The following CDH23 variants were observed in gnomAD, a reference collection of about 807,000 sequenced individuals.
The protein encoded by CDH23 is cadherin related 23.
CDH23 carries 189 observed loss-of-function variants against 317.1 expected under a neutral mutation model. The ratio of observed to expected loss-of-function variants is 0.60; its 90% CI spans 0.53 to 0.67. The LOEUF is 0.67. Among genes scored for constraint, CDH23 ranks in the 30% least tolerant of loss-of-function variants. The probability of loss-of-function intolerance (pLI) is 0.00; values close to 1 mark genes in which losing one functional copy is unlikely to be tolerated. For synonymous variants in CDH23, 1,839 were observed against 1,876.8 expected, an observed-to-expected ratio of 0.98 and a Z score of 0.52; for missense variants, 4,401 against 4,592.4, an observed-to-expected ratio of 0.96 and a Z score of 1.20.
chr10:71,616,265 C>T (rs981425659), intron 10 of CDH23, among the ~76,000 whole-genome samples: 9 of 152,230 alleles, frequency 5.9e-5, no homozygotes, highest in Non-Finnish European at 8.8e-5. Context: ...TTGAGAGAAA[C>T]GGGTGGCCCA....
At chr10:71,552,006 C>T (rs985915066) in intron 6 of CDH23, among the ~76,000 whole-genome samples, 3 of 152,210 alleles carry the variant, frequency 2.0e-5, no homozygotes, top group South Asian at 2.1e-4. Context: ...GGGCTGTCCC[C>T]GCCCAAGTAT....
intron 1 of CDH23, among the ~76,000 whole-genome samples, chr10:71,435,863 C>A (rs1849593553): frequency 6.6e-6 from 1 of 152,240 alleles, no homozygotes; most frequent in Admixed American, 6.5e-5. Flanking sequence ...CTGAGGAATG[C>A]CAGCAGGCAA....
chr10:71,562,942 T>C (rs995602654), intron 6 of CDH23, among the ~76,000 whole-genome samples: 4 of 152,334 alleles, frequency 2.6e-5, no homozygotes, highest in African/African-American at 9.6e-5. Context: ...AGAAAATTGA[T>C]TTAATTTCTC....
intron 38 of CDH23, among the ~76,000 whole-genome samples, chr10:71,752,229 G>A (rs1003857103): frequency 6.6e-6 from 1 of 152,178 alleles, no homozygotes; most frequent in Non-Finnish European, 1.5e-5. Flanking sequence ...CATTAGGATC[G>A]AACATCCCCA....
chr10:71,403,313 T>TCC (rs1167098222), intron 1 of CDH23, among the ~76,000 whole-genome samples: 1 of 99,346 alleles, frequency 1.0e-5, no homozygotes, highest in African/African-American at 9.2e-5. Context: ...CTCTTTCTCT[T>TCC]TCTTCCTTCC....
chr10:71,731,877 C>T (rs1839402126), intron 31 of CDH23, 110 bp from the exon 32 acceptor site: 1 of 1,176,582 alleles, frequency 8.5e-7, no homozygotes, highest in African/African-American at 1.5e-5. Context: ...GGTGGGGCAG[C>T]CCATGCTGGG....
At chr10:71,803,971 T>G in intron 55 of CDH23, among the ~76,000 whole-genome samples, 1 of 112,468 alleles carries the variant, frequency 8.9e-6, no homozygotes, top group Admixed American at 1.0e-4. Context: ...GGCAACAGAG[T>G]GAGACTTTGT....
chr10:71,549,634 T>C (rs1856473096), intron 6 of CDH23, among the ~76,000 whole-genome samples: 1 of 152,214 alleles, frequency 6.6e-6, no homozygotes, highest in Admixed American at 6.5e-5. Flanking sequence ...AAGAGCACTG[T>C]GCTTGACTGG....
intron 61 of CDH23, 134 bp downstream of exon 61, chr10:71,810,210 A>G (rs1482011824): frequency 1.3e-5 from 15 of 1,112,404 alleles, no homozygotes; most frequent in Non-Finnish European, 1.8e-5. Flanking sequence ...GTCATTTCCT[A>G]TCAGTGCAGC....
At chr10:71,404,817 A>G (rs1167296466) in intron 1 of CDH23, among the ~76,000 whole-genome samples, 1 of 152,220 alleles carries the variant, frequency 6.6e-6, no homozygotes, top group African/African-American at 2.4e-5. Flanking sequence ...TCCTTGAGGC[A>G]GGCGGTTAGC....
chr10:71,454,568 C>G (rs1258806802), intron 3 of CDH23, among the ~76,000 whole-genome samples: 2 of 152,158 alleles, frequency 1.3e-5, no homozygotes, highest in African/African-American at 2.4e-5. Context: ...TTCTACCACT[C>G]ATGGCACGGG....
At chr10:71,730,750 G>A in intron 31 of CDH23, 146 bp downstream of exon 31, 1 of 1,229,644 alleles carries the variant, frequency 8.1e-7, no homozygotes, top group East Asian at 2.5e-5. Flanking sequence ...TGCTGGGATG[G>A]TCTTGATCAC....
intron 3 of CDH23, among the ~76,000 whole-genome samples, chr10:71,475,771 T>C (rs939398340): frequency 5.3e-5 from 8 of 152,256 alleles, no homozygotes; most frequent in African/African-American, 1.9e-4. Flanking sequence ...ATAGCTGGAA[T>C]GCAGGCCCTG....
At chr10:71,423,206 G>A (rs903013720) in intron 1 of CDH23, among the ~76,000 whole-genome samples, 1 of 152,046 alleles carries the variant, frequency 6.6e-6, no homozygotes, top group East Asian at 1.9e-4. Flanking sequence ...TGGAGGGTTC[G>A]AACGGGGACA....
intron 6 of CDH23, among the ~76,000 whole-genome samples, chr10:71,529,334 G>A (rs895105225): frequency 3.9e-5 from 6 of 152,172 alleles, no homozygotes; most frequent in Non-Finnish European, 7.3e-5. Context: ...GGTGGCAACA[G>A]CCAGTTCTGG....
In CDH23 at chr10:71,695,468, C is replaced by T. The variant is rs757380602; in HGVS notation, c.2340C>T (p.Asp780=). The change falls in exon 22 of 70, where the codon GAC becomes GAT. Residue 780 remains aspartate, a synonymous_variant. Transcript: ENST00000224721. ...DINDNHPTWK[D]APYYINLVEM... ...ATGACAACCACCCCACGTGGAAGGA[C>T]GCACCCTACTACATCAACCTGGTGG... 35 of 1,613,506 alleles carry T rather than the reference C, an allele frequency of 2.2e-5. No homozygotes were observed. The highest frequency in any genetic ancestry group is 1.3e-4 in the South Asian group (12 of 91,080).
chr10:71,510,246 G>A lies in CDH23; in HGVS notation c.288+22G>A, dbSNP rs1853887060. The A allele has an allele frequency of 4.3e-6, 7 of 1,609,596 alleles. No homozygotes were observed. In the East Asian group the frequency reaches 1.6e-4, roughly 36 times the overall value. On this transcript the variant is annotated intron_variant, in intron 4 of 69. Transcript: ENST00000224721. ...AGAGGTATGACTTGCCCATACCCCTGCCCCAATTCTCTCCTGGGGACAGGA... is the reference window on the plus strand; with the variant it reads ...AGAGGTATGACTTGCCCATACCCCTACCCCAATTCTCTCCTGGGGACAGGA...
At chr10:71,738,739 C>G (rs546636138) in intron 35 of CDH23, 92 bp downstream of exon 35, 1 of 1,433,164 alleles carries the variant, frequency 7.0e-7, no homozygotes, top group African/African-American at 1.4e-5. Flanking sequence ...CCACCCCCAT[C>G]ACCAAGCACC....
At chr10:71,619,550 A>C (rs1371530869) in intron 11 of CDH23, among the ~76,000 whole-genome samples, 1 of 152,150 alleles carries the variant, frequency 6.6e-6, no homozygotes, top group African/African-American at 2.4e-5. Context: ...AGAGAAGAGA[A>C]ATGTGGATAC....
Sources: gnomAD v4.1 joint callset for allele counts (sites outside exome capture counted in the v4.1 genomes callset) on GRCh38, gnomAD v4.1.1 for gene constraint, MANE v1.5 for transcripts, NCBI Gene and HGNC (gene_info 2026-07-23, HGNC 2026-07-21) for gene names.